The following ECPAS variants were observed in gnomAD, a reference collection of about 807,000 sequenced individuals.
ECPAS encodes the protein Ecm29 proteasome adaptor and scaffold.
Under a neutral mutation model 255.1 loss-of-function variants are expected in ECPAS, and 70 were observed. The ratio of observed to expected loss-of-function variants is 0.27; its 90% confidence interval spans 0.23 to 0.33. ECPAS has a LOEUF of 0.33. ECPAS is among the 10% of genes least tolerant of loss of function. The probability of loss-of-function intolerance (pLI) is 1.00; values close to 1 mark genes in which losing one functional copy is unlikely to be tolerated. For missense variants in ECPAS, 1,817 were observed against 2,206.4 expected, an observed-to-expected ratio of 0.82 and a Z score of 3.54; for synonymous variants, 784 against 775.0, an observed-to-expected ratio of 1.01 and a Z score of -0.19.
At chr9:111,373,441 G>A (rs1384337144) in intron 39 of ECPAS, 35 bp from the exon 40 acceptor site, 3 of 1,569,896 alleles carry the variant, frequency 1.9e-6, no homozygotes, top group African/African-American at 2.7e-5. Context: ...TCTGATACTT[G>A]GTTGACCAAA....
chr9:111,458,759 G>C (rs1206505499), intron 2 of ECPAS, among the ~76,000 whole-genome samples: 3 of 152,142 alleles, frequency 2.0e-5, no homozygotes, highest in Non-Finnish European at 2.9e-5. Flanking sequence ...GAGCTTCTAT[G>C]ATCAGCAGTG....
chr9:111,386,593 A>G lies in ECPAS; in HGVS notation c.3448-137T>C. On this transcript the variant is annotated intron_variant, in intron 31 of 49. Transcript: ENST00000684092. ...TATTTTACGGCCTCCATGTCTCTCT[A>G]GGCCACTCAGCCCACAAATCTCTTC... 3 of 616,320 alleles carry G rather than the reference A, an allele frequency of 4.9e-6. No homozygotes were observed. In the South Asian group the frequency reaches 6.1e-5, roughly 13 times the overall value. The allele number at this position is 616,320 out of a possible 1,614,324, so 38.2% of individuals were successfully genotyped here.
intron 1 of ECPAS, among the ~76,000 whole-genome samples, chr9:111,473,350 A>G (rs188722633): frequency 6.6e-6 from 1 of 152,328 alleles, no homozygotes; most frequent in Non-Finnish European, 1.5e-5. Context: ...AAGTGTTTCA[A>G]TTACATAATA....
chr9:111,377,296 T>C (rs1476040140), intron 36 of ECPAS, among the ~76,000 whole-genome samples: 2 of 151,860 alleles, frequency 1.3e-5, no homozygotes, highest in Non-Finnish European at 2.9e-5. Context: ...CTAATAAAAA[T>C]ATATAAATTA....
intron 1 of ECPAS, among the ~76,000 whole-genome samples, chr9:111,482,648 G>C (rs1230551117): frequency 6.6e-6 from 1 of 151,254 alleles, no homozygotes; most frequent in Non-Finnish European, 1.5e-5. Context: ...GGCAGCATTG[G>C]GAGAAAAAAA....
At chr9:111,375,527 C>A (rs1248646489) in intron 37 of ECPAS, among the ~76,000 whole-genome samples, 4 of 152,124 alleles carry the variant, frequency 2.6e-5, no homozygotes, top group Non-Finnish European at 4.4e-5. Flanking sequence ...GTATAAAAAA[C>A]CTAAACTAAA....
rs148436738 is a variant in ECPAS, at chr9:111,471,871, G to C, written c.22+1026C>G. 4.9e-4 allele frequency among the ~76,000 whole-genome samples: 74 copies of C among 152,280 alleles called. No individual in the cohort carries two copies. In the Middle Eastern group the frequency reaches 0.014, roughly 28 times the overall value. On this transcript the variant is annotated intron_variant, in intron 2 of 49. Coordinates refer to ENST00000684092, the MANE Select transcript of ECPAS (RefSeq NM_001364929.1). ...AAATCATGACACTTTGGGGGGCCCA[G>C]GTAGGAGTATAGCTTGAGCTCAGGA...
chr9:111,395,742 G>C (rs560088979), intron 25 of ECPAS, among the ~76,000 whole-genome samples: 60 of 152,256 alleles, frequency 3.9e-4, no homozygotes, highest in African/African-American at 1.3e-3. Context: ...CCTCCCTGTT[G>C]TCAAGCCTCT....
At chr9:111,393,164 A>C (rs1347232443) in intron 27 of ECPAS, among the ~76,000 whole-genome samples, 1 of 152,232 alleles carries the variant, frequency 6.6e-6, no homozygotes, top group East Asian at 1.9e-4. Context: ...CAGTGCAGCG[A>C]CAGATTATCC....
At chr9:111,368,430 GA>G (rs2098123334) in intron 46 of ECPAS, among the ~76,000 whole-genome samples, 1 of 152,120 alleles carries the variant, frequency 6.6e-6, no homozygotes, top group Admixed American at 6.6e-5. Context: ...TGATCATCAA[GA>G]AGATCAGTAG....
At chr9:111,366,123 A>G in intron 48 of ECPAS, 116 bp downstream of exon 48, 1 of 652,906 alleles carries the variant, frequency 1.5e-6, no homozygotes, top group Middle Eastern at 4.1e-4. Context: ...TAAGTAGCAG[A>G]GTCCAGTAGC....
chr9:111,439,040 C>A, intron 6 of ECPAS, among the ~76,000 whole-genome samples: 1 of 152,124 alleles, frequency 6.6e-6, no homozygotes, highest in East Asian at 1.9e-4. Context: ...GGGCTCCATG[C>A]CAGAGACCAA....
chr9:111,398,854 T>C (rs914531407), intron 24 of ECPAS, among the ~76,000 whole-genome samples: 1 of 152,044 alleles, frequency 6.6e-6, no homozygotes, highest in Admixed American at 6.5e-5. Flanking sequence ...GGAGAATCGC[T>C]TGAACTCAGG....
intron 2 of ECPAS, among the ~76,000 whole-genome samples, chr9:111,467,651 C>T (rs988583766): frequency 1.3e-5 from 2 of 152,092 alleles, no homozygotes; most frequent in African/African-American, 2.4e-5. Flanking sequence ...TAACACCACA[C>T]GATATTTTTT....
rs2098244139 is a variant in ECPAS, at chr9:111,440,352, G to A, written c.539+20C>T. 3.8e-6 allele frequency: 6 copies of A among 1,581,154 alleles called. No homozygotes were observed. The African/African-American group carries it at 4.1e-5, about 11-fold the overall frequency. On this transcript the variant is annotated intron_variant, in intron 6 of 49. Coordinates refer to ENST00000684092, the MANE Select transcript of ECPAS (RefSeq NM_001364929.1). ...AGTAAAAGCAGTCAAGAACAAGGTT[G>A]CTTTTATTTTTTAACTCACCCATAA...
At chr9:111,454,988 G>C (rs1050835926) in intron 2 of ECPAS, among the ~76,000 whole-genome samples, 3 of 151,976 alleles carry the variant, frequency 2.0e-5, no homozygotes, top group African/African-American at 7.2e-5. Flanking sequence ...TCATACTTTG[G>C]CCTCCCAAAG....
chr9:111,412,083 TACC>T lies in ECPAS; in HGVS notation c.2142_2144del (p.Val715del). The T allele has an allele frequency of 5.0e-6, 8 of 1,599,392 alleles. No individual in the cohort carries two copies. Among genetic ancestry groups the T allele is most frequent in the Non-Finnish European group, 6.8e-6 (8 of 1,175,700 alleles). ...TCAACTCATTCCCCGACACTGTTGA[TACC>T]ACTACAGAATAAAACAACGCTGCCA... On this transcript the variant is annotated inframe_deletion, in exon 21 of 50. Transcript: ENST00000684092.
chr9:111,410,294 T>G (rs1461078753), intron 22 of ECPAS, 81 bp from the exon 23 acceptor site: 3 of 1,217,826 alleles, frequency 2.5e-6, no homozygotes, highest in African/African-American at 3.1e-5. Context: ...ACTCAAGGTT[T>G]TTTTTAAGAC....
In ECPAS at chr9:111,393,841, G is replaced by C. The variant is rs1229524171; in HGVS notation, c.2923-107C>G. The C allele has an allele frequency of 4.8e-6, 4 of 834,008 alleles. No homozygotes were observed. The Admixed American group carries it at 7.9e-5, about 16-fold the overall frequency. 51.7% of individuals were successfully genotyped at this position (834,008 alleles called of 1,614,324 possible). On this transcript the variant is annotated intron_variant, in intron 26 of 49. Transcript: ENST00000684092. ...ATTTGTAGTCTTATTATCCAAGCCA[G>C]TTACAATCGCTGTTTTGCTCTCATC...
Sources: gnomAD v4.1 joint callset for allele counts (sites outside exome capture counted in the v4.1 genomes callset) on GRCh38, gnomAD v4.1.1 for gene constraint, MANE v1.5 for transcripts, NCBI Gene and HGNC (gene_info 2026-07-23, HGNC 2026-07-21) for gene names.